Variants in GNAO1 observed in about 807,000 individuals in gnomAD.
GNAO1 encodes the protein guanine nucleotide-binding protein G(o) subunit alpha.
For missense variants in GNAO1, 166 were observed against 478.7 expected, an observed-to-expected ratio of 0.35 and a Z score of 6.10; for synonymous variants, 164 against 180.7, an observed-to-expected ratio of 0.91 and a Z score of 0.74.
In GNAO1 at chr16:56,341,407, A is replaced by T. The variant is rs188045903; in HGVS notation, c.723+4547A>T. Among the ~76,000 whole-genome samples the T allele has an allele frequency of 1.4e-3, 211 of 152,334 alleles. 1 individual carries two copies. Among genetic ancestry groups the T allele is most frequent in the African/African-American group, 4.8e-3 (199 of 41,578 alleles). ...AGGTCATGCAGCCTCTCTGAACCTC[A>T]GTCTCTGGGTCTGTGAGATGGGGTG... On this transcript the variant is annotated intron_variant, in intron 6 of 8. Coordinates refer to ENST00000262493, the MANE Select transcript of GNAO1 (RefSeq NM_020988.3).
chr16:56,217,239 A>G (rs1596802147), intron 2 of GNAO1, among the ~76,000 whole-genome samples: 1 of 152,220 alleles, frequency 6.6e-6, no homozygotes, highest in Non-Finnish European at 1.5e-5. Context: ...GTTTTGCTGC[A>G]CCATCTATCG....
chr16:56,330,975 C>T (rs2037683174), intron 4 of GNAO1, among the ~76,000 whole-genome samples: 1 of 152,200 alleles, frequency 6.6e-6, no homozygotes, highest in African/African-American at 2.4e-5. Context: ...TGGCCAGGGC[C>T]GGAAGGGCCT....
chr16:56,223,922 A>T (rs1567444551), intron 2 of GNAO1, among the ~76,000 whole-genome samples: 1 of 152,196 alleles, frequency 6.6e-6, no homozygotes, highest in African/African-American at 2.4e-5. Context: ...TGTTGAATGA[A>T]TGAGGGGAAC....
chr16:56,192,497 A>G (rs1242623545), intron 1 of GNAO1, 77 bp from the exon 2 acceptor site: 2 of 590,118 alleles, frequency 3.4e-6, no homozygotes, highest in East Asian at 4.2e-5. Flanking sequence ...ACCCCCTCGC[A>G]TGCCTTAGTC....
At position 56,194,119 on chromosome 16, in the gene GNAO1, C is replaced by G. The variant is rs769677824; in HGVS notation, c.161+1503C>G. The G allele has an allele frequency of 3.3e-5, 15 of 456,536 alleles. No individual in the cohort carries two copies. The Middle Eastern group carries it at 3.9e-3, about 119-fold the overall frequency. 28.3% of individuals were successfully genotyped at this position (456,536 alleles called of 1,614,324 possible). On this transcript the variant is annotated intron_variant, in intron 2 of 8. Transcript: ENST00000262493. Reference sequence around the variant, plus strand: ...ATGGTAGGGAGTAGCGACTCGGAGACAATTTTCCCATCTGCTTGACATGTT... The same window carrying G: ...ATGGTAGGGAGTAGCGACTCGGAGAGAATTTTCCCATCTGCTTGACATGTT...
chr16:56,327,625 G>A (rs1286566380), intron 3 of GNAO1, among the ~76,000 whole-genome samples: 1 of 152,220 alleles, frequency 6.6e-6, no homozygotes, highest in African/African-American at 2.4e-5. Flanking sequence ...ACTCCTGGTT[G>A]TGATGTTACA....
intron 2 of GNAO1, among the ~76,000 whole-genome samples, chr16:56,215,528 G>A (rs1483933946): frequency 6.6e-6 from 1 of 152,216 alleles, no homozygotes; most frequent in Non-Finnish European, 1.5e-5. Context: ...ATATGAAACA[G>A]TGTAGAAATT....
intron 3 of GNAO1, among the ~76,000 whole-genome samples, chr16:56,320,594 T>G (rs1204232059): frequency 6.6e-6 from 1 of 152,200 alleles, no homozygotes; most frequent in African/African-American, 2.4e-5. Flanking sequence ...CAAAGGAAGC[T>G]GGCAGAGGAG....
intron 2 of GNAO1, among the ~76,000 whole-genome samples, chr16:56,201,950 G>T (rs1326041119): frequency 6.6e-6 from 1 of 152,166 alleles, no homozygotes; most frequent in Non-Finnish European, 1.5e-5. Context: ...GAAATTCTGT[G>T]GTGCTTTTGA....
At chr16:56,328,278 G>T (rs1321659737) in intron 3 of GNAO1, among the ~76,000 whole-genome samples, 2 of 152,224 alleles carry the variant, frequency 1.3e-5, no homozygotes, top group African/African-American at 4.8e-5. Context: ...GAGTTGGAGG[G>T]TGGAGAGCAG....
intron 2 of GNAO1, among the ~76,000 whole-genome samples, chr16:56,243,154 C>T (rs1269608862): frequency 1.3e-5 from 2 of 151,590 alleles, no homozygotes; most frequent in Admixed American, 1.3e-4. Context: ...CTCAGGGCTC[C>T]CACTGATTCT....
intron 6 of GNAO1, chr16:56,343,905 G>A (rs374598514): frequency 1.1e-5 from 18 of 1,614,130 alleles, no homozygotes; most frequent in Non-Finnish European, 7.6e-6. Flanking sequence ...ATGCTGTGAC[G>A]GACGTCATCA....
intron 2 of GNAO1, among the ~76,000 whole-genome samples, chr16:56,199,809 T>C (rs1226280211): frequency 6.6e-6 from 1 of 152,198 alleles, no homozygotes; most frequent in East Asian, 1.9e-4. Context: ...TGCTGAGCCA[T>C]CTTTAGTTCT....
chr16:56,338,007 G>T (rs2143668414), intron 6 of GNAO1, among the ~76,000 whole-genome samples: 1 of 152,320 alleles, frequency 6.6e-6, no homozygotes, highest in African/African-American at 2.4e-5. Context: ...TTGTTGTCAT[G>T]CTGGGCCTTG....
In GNAO1 at chr16:56,211,486, C is replaced by G. The variant is rs538232711; in HGVS notation, c.161+18870C>G. On this transcript the variant is annotated intron_variant, in intron 2 of 8. Coordinates refer to ENST00000262493, the MANE Select transcript of GNAO1 (RefSeq NM_020988.3). ...CTCTGGGGCTGCCTCTATTAAGGCT[C>G]TGCTAGCATCTCTAGACTTGTGCAG... Among the ~76,000 whole-genome samples, 5 of 152,266 alleles carry G rather than the reference C, an allele frequency of 3.3e-5. No individual in the cohort carries two copies. In the South Asian group the frequency reaches 1.0e-3, roughly 32 times the overall value.
At chr16:56,194,722 A>AT (rs1393668694) in intron 2 of GNAO1, among the ~76,000 whole-genome samples, 1 of 152,200 alleles carries the variant, frequency 6.6e-6, no homozygotes, top group East Asian at 1.9e-4. Context: ...GAGTCTGCAA[A>AT]TTAACTTTGC....
intron 3 of GNAO1, among the ~76,000 whole-genome samples, chr16:56,289,297 G>T (rs1196251076): frequency 6.6e-6 from 1 of 152,148 alleles, no homozygotes; most frequent in Non-Finnish European, 1.5e-5. Flanking sequence ...TTGGAGCCGG[G>T]ACCTCTTTTT....
chr16:56,274,423 G>A (rs1202658109), intron 2 of GNAO1, among the ~76,000 whole-genome samples: 3 of 152,228 alleles, frequency 2.0e-5, no homozygotes, highest in African/African-American at 7.2e-5. Flanking sequence ...TCGACAGAAA[G>A]TTAATAGGGT....
At chr16:56,260,609 G>A (rs1325919599) in intron 2 of GNAO1, among the ~76,000 whole-genome samples, 2 of 152,148 alleles carry the variant, frequency 1.3e-5, no homozygotes, top group African/African-American at 4.8e-5. Flanking sequence ...CCAAGTATGT[G>A]CTTTGGCTTT....
Sources: allele counts gnomAD v4.1 joint callset (sites outside exome capture counted in the v4.1 genomes callset), GRCh38; gene constraint gnomAD v4.1.1; transcripts MANE v1.5; gene names NCBI Gene and HGNC (gene_info 2026-07-23, HGNC 2026-07-21).